Variants in SAFB2 observed in about 807,000 individuals in gnomAD.
SAFB2 encodes scaffold attachment factor B2.
SAFB2 carries 32 observed loss-of-function variants against 100.6 expected under a neutral mutation model. The observed-to-expected ratio is 0.32, with a 90% CI of 0.24 to 0.43. The LOEUF (loss-of-function observed/expected upper bound fraction) is 0.43, where lower values mean the gene tolerates loss of function less well. Ranked by LOEUF, SAFB2 falls within the 20% of genes least tolerant of loss-of-function variation. The pLI is 1.00. For synonymous variants in SAFB2, 500 were observed against 439.4 expected (o/e 1.14, Z -1.72); for missense variants, 1,185 against 1,163.4 (o/e 1.02, Z -0.27).
intron 9 of SAFB2, among the ~76,000 whole-genome samples, chr19:5,607,921 C>T (rs1024407642): frequency 6.6e-6 from 1 of 152,252 alleles, no homozygotes; most frequent in Non-Finnish European, 1.5e-5. Context: ...AGAAGACTCT[C>T]CTGAGAGAAA....
intron 13 of SAFB2, among the ~76,000 whole-genome samples, chr19:5,596,804 C>T (rs1048023121): frequency 6.6e-6 from 1 of 152,188 alleles, no homozygotes; most frequent in Non-Finnish European, 1.5e-5. Flanking sequence ...CTGATCCACA[C>T]AGAATCTCTG....
chr19:5,609,165 C>A (rs1210899580), intron 9 of SAFB2, among the ~76,000 whole-genome samples: 2 of 151,836 alleles, frequency 1.3e-5, no homozygotes, highest in Non-Finnish European at 2.9e-5. Context: ...TGGAAAGCTG[C>A]TGAATTGTAC....
chr19:5,604,605 A>C lies in SAFB2; in HGVS notation c.1537T>G (p.Ser513Ala). The C allele has an allele frequency of 6.2e-7, 1 of 1,613,966 alleles. No individual in the cohort carries two copies. The highest frequency in any genetic ancestry group is 8.5e-7 in the Non-Finnish European group (1 of 1,179,860). Reference sequence around the variant, plus strand: ...TACTTTTCAATTTTGATCTCCACAGAATGATGTCTGTCGACACTCGATAAT... The same window carrying C: ...TACTTTTCAATTTTGATCTCCACAGCATGATGTCTGTCGACACTCGATAAT... ...EKLSSVDRHH[S>A]VEIKIEKTVI... The change falls in exon 11 of 21, where the codon TCT becomes GCT. Residue 513 changes from serine (S) to alanine (A), a missense_variant. Transcript: ENST00000252542.
At chr19:5,589,438 G>C (rs1305057474) in intron 18 of SAFB2, among the ~76,000 whole-genome samples, 1 of 152,010 alleles carries the variant, frequency 6.6e-6, no homozygotes, top group Non-Finnish European at 1.5e-5. Context: ...GGGAGGGATG[G>C]AACGGGGGAG....
chr19:5,600,015 G>A (rs779092803), intron 12 of SAFB2, 115 bp downstream of exon 12: 23 of 1,075,840 alleles, frequency 2.1e-5, no homozygotes, highest in South Asian at 4.7e-5. Context: ...ACTGCCATAT[G>A]AACAGCGAAA....
At chr19:5,621,178 A>C (rs906481904) in intron 2 of SAFB2, 131 bp downstream of exon 2, 21 of 694,640 alleles carry the variant, frequency 3.0e-5, no homozygotes, top group African/African-American at 5.2e-5. Context: ...TGACGAGCAA[A>C]GCTAACTCTT....
chr19:5,598,901 A>G lies in SAFB2; in HGVS notation c.1691-17T>C. On this transcript the variant is annotated splice_polypyrimidine_tract_variant and intron_variant, in intron 12 of 20. Transcript: ENST00000252542. ...CTCTGCTTCCTTCAGGAAAAAACAC[A>G]ACAAACTATCAAAACCTGTGGACGC... The G allele has an allele frequency of 6.2e-7, 1 of 1,613,208 alleles. No individual in the cohort carries two copies. The highest frequency in any genetic ancestry group is 8.5e-7 in the Non-Finnish European group (1 of 1,179,380).
intron 1 of SAFB2, among the ~76,000 whole-genome samples, chr19:5,621,862 C>T (rs1313098208): frequency 1.3e-5 from 2 of 152,224 alleles, no homozygotes; most frequent in Non-Finnish European, 2.9e-5. Context: ...AAGCTCCCTC[C>T]CTATGCTCAA....
intron 14 of SAFB2, 81 bp from the exon 15 acceptor site, chr19:5,594,259 A>C: frequency 7.0e-7 from 1 of 1,429,988 alleles, no homozygotes; most frequent in Middle Eastern, 1.9e-4. Flanking sequence ...CTGGGTGTGT[A>C]TTGGAAGCAG....
At chr19:5,614,231 G>A (rs991899289) in intron 4 of SAFB2, among the ~76,000 whole-genome samples, 42 of 152,178 alleles carry the variant, frequency 2.8e-4, no homozygotes, top group African/African-American at 9.2e-4. Flanking sequence ...GGGATTACAG[G>A]TGTGAGCCAC....
chr19:5,602,476 TC>T (rs1487399854), intron 11 of SAFB2, among the ~76,000 whole-genome samples: 1 of 75,204 alleles, frequency 1.3e-5, no homozygotes, highest in Admixed American at 2.1e-4. Context: ...CGAGACTCTG[TC>T]TCAAAAAAAA....
At chr19:5,610,582 T>C (rs1421565090) in intron 8 of SAFB2, 57 bp downstream of exon 8, 1 of 1,286,980 alleles carries the variant, frequency 7.8e-7, no homozygotes, top group Admixed American at 2.0e-5. Context: ...TCCAGGCCCC[T>C]CCTCCCAAAA....
At chr19:5,615,097 G>A (rs947438502) in intron 4 of SAFB2, among the ~76,000 whole-genome samples, 2 of 151,520 alleles carry the variant, frequency 1.3e-5, no homozygotes, top group African/African-American at 2.4e-5. Context: ...GCTCAAGCCT[G>A]TAATCCCAGC....
At chr19:5,588,116 C>A in intron 18 of SAFB2, 136 bp from the exon 19 acceptor site, 1 of 750,252 alleles carries the variant, frequency 1.3e-6, no homozygotes, top group East Asian at 2.9e-5. Context: ...GTGGGCAAAT[C>A]AAGGGAAGGG....
chr19:5,593,988 G>A lies in SAFB2; in HGVS notation c.2110C>T (p.Arg704Cys), dbSNP rs1372049591. ...AGCTCCTCGCGCTCGCGGTGGATGC[G>A]CTCCTGCTCCTTCCTGCGCTCACGC... ...VERERRKEQE[R>C]IHREREELRR... Residue 704 changes from arginine (R) to cysteine (C), a missense_variant, in exon 15 of 21, where the codon CGC (arginine) becomes TGC (cysteine). This residue lies in a region of SAFB2 where 740 missense variants were observed against 687.1 expected (regional missense o/e 1.08). Coordinates refer to ENST00000252542, the MANE Select transcript of SAFB2 (RefSeq NM_014649.3). 4 of 1,556,808 alleles carry A rather than the reference G, an allele frequency of 2.6e-6. No homozygotes were observed. Among genetic ancestry groups the A allele is most frequent in the African/African-American group, 2.7e-5 (2 of 73,480 alleles).
At chr19:5,592,389 T>C (rs2052428546) in intron 16 of SAFB2, among the ~76,000 whole-genome samples, 1 of 152,038 alleles carries the variant, frequency 6.6e-6, no homozygotes, top group African/African-American at 2.4e-5. Flanking sequence ...ATGAGAAATT[T>C]TGCACGTCCT....
At position 5,587,281 on chromosome 19, in the gene SAFB2, G is replaced by T. The variant is rs768587808; in HGVS notation, c.2824C>A (p.His942Asn). The T allele has an allele frequency of 1.9e-6, 3 of 1,613,030 alleles. No individual in the cohort carries two copies. In the Admixed American group the frequency reaches 5.0e-5, roughly 27 times the overall value. ...RGSRVPHPHP[H>N]PPPYPHFTRR... ...GTGAAGTGGGGGTACGGGGGGGGAT[G>T]AGGGTGTGGGTGAGGGACTCTGCTG... Residue 942 changes from histidine (H) to asparagine (N), a missense_variant, in exon 21 of 21, where the codon CAT becomes AAT. By Grantham distance (68) the His-to-Asn change is moderately conservative. This residue lies in a region of SAFB2 where 740 missense variants were observed against 687.1 expected (regional missense o/e 1.08). Coordinates refer to ENST00000252542, the MANE Select transcript of SAFB2 (RefSeq NM_014649.3). This position sits in a 1 kb window ranked among gnomAD's most constrained non-coding sequence, Gnocchi z 4.9.
Position 5,616,428 on chromosome 19 carries a change from G to A in SAFB2, c.333C>T (p.Asp111=), listed in dbSNP as rs150398727. 9.6e-5 allele frequency: 155 copies of A among 1,613,788 alleles called. No homozygotes were observed. The African/African-American group carries it at 1.3e-3, about 14-fold the overall frequency. Residue 111 remains aspartate, a synonymous_variant, in exon 3 of 21, where the codon GAC becomes GAT. Coordinates refer to ENST00000252542, the MANE Select transcript of SAFB2 (RefSeq NM_014649.3). The part of the protein sequence containing the change: ...EDNGLEDDSR[D]GQEDMEASLE... ...CTACCCTGACATCACTTACCTGCCCGTCTCTGGAATCGTCTTCCAGGCCAT... is the reference window on the plus strand; with the variant it reads ...CTACCCTGACATCACTTACCTGCCCATCTCTGGAATCGTCTTCCAGGCCAT...
At position 5,620,370 on chromosome 19, in the gene SAFB2, C is replaced by T. The variant is rs533064204; in HGVS notation, c.274+939G>A. 2.0e-5 allele frequency among the ~76,000 whole-genome samples: 3 copies of T among 152,236 alleles called. No homozygotes were observed. The South Asian group carries it at 6.2e-4, about 32-fold the overall frequency. Reference sequence around the variant, plus strand: ...TTAGCACTTTTCCAAGAAAACAGGCCCCCTGCACAGGAAACCTAAATTATA... The same window carrying T: ...TTAGCACTTTTCCAAGAAAACAGGCTCCCTGCACAGGAAACCTAAATTATA... On this transcript the variant is annotated intron_variant, in intron 2 of 20. Transcript: ENST00000252542.
Sources: allele counts gnomAD v4.1 joint callset (sites outside exome capture counted in the v4.1 genomes callset), GRCh38; gene constraint gnomAD v4.1.1; regional missense constraint gnomAD v4.1.1; non-coding constraint Gnocchi (gnomAD v3.1); transcripts MANE v1.5; gene names NCBI Gene and HGNC (gene_info 2026-07-23, HGNC 2026-07-21).